The following PDSS2 variants were observed in gnomAD, a reference collection of about 807,000 sequenced individuals.
The protein encoded by PDSS2 is decaprenyl diphosphate synthase subunit 2.
In PDSS2, 31 loss-of-function variants were observed where a neutral mutation model predicts 44.5. That is an observed-to-expected ratio of 0.70 (90% CI 0.52 to 0.94). The LOEUF is 0.94. Ranked by LOEUF, PDSS2 falls within the 40% of genes least tolerant of loss-of-function variation. The pLI is 0.00. For missense variants in PDSS2, 452 were observed against 482.2 expected (o/e 0.94, Z 0.59); for synonymous variants, 157 against 180.3 (o/e 0.87, Z 1.03).
At chr6:107,364,589 G>A (rs2114322520) in intron 1 of PDSS2, among the ~76,000 whole-genome samples, 1 of 152,346 alleles carries the variant, frequency 6.6e-6, no homozygotes, top group East Asian at 1.9e-4. Flanking sequence ...TGGCCCGCAA[G>A]CGCTGCACGC....
At chr6:107,448,158 G>A (rs1265562588) in intron 1 of PDSS2, among the ~76,000 whole-genome samples, 1 of 152,156 alleles carries the variant, frequency 6.6e-6, no homozygotes, top group Non-Finnish European at 1.5e-5. Context: ...GGGAGGGGCT[G>A]CCAAGAAGGT....
chr6:107,412,279 G>A (rs1298024220), intron 1 of PDSS2, among the ~76,000 whole-genome samples: 5 of 116,676 alleles, frequency 4.3e-5, no homozygotes, highest in Non-Finnish European at 6.5e-5. Flanking sequence ...TCACTCTGTC[G>A]CCCAGGCTGC....
At chr6:107,171,742 T>C (rs1247487408) in intron 7 of PDSS2, among the ~76,000 whole-genome samples, 7 of 152,038 alleles carry the variant, frequency 4.6e-5, no homozygotes, top group African/African-American at 1.7e-4. Context: ...CCCAGGCTGG[T>C]CTTGAATTCC....
chr6:107,331,254 C>G (rs1241844486), intron 2 of PDSS2, among the ~76,000 whole-genome samples: 1 of 152,088 alleles, frequency 6.6e-6, no homozygotes, highest in African/African-American at 2.4e-5. Context: ...TCTCATAGCA[C>G]TATACCAAAT....
intron 1 of PDSS2, among the ~76,000 whole-genome samples, chr6:107,341,494 G>A (rs959321207): frequency 6.6e-6 from 1 of 152,154 alleles, no homozygotes; most frequent in Non-Finnish European, 1.5e-5. Flanking sequence ...TCATAGAAGC[G>A]ATGGCTGAAG....
intron 1 of PDSS2, among the ~76,000 whole-genome samples, chr6:107,340,955 T>C (rs1778060554): frequency 6.6e-6 from 1 of 151,894 alleles, no homozygotes; most frequent in South Asian, 2.1e-4. Context: ...AGGTTTAGAG[T>C]CTGGACTTAA....
intron 2 of PDSS2, among the ~76,000 whole-genome samples, chr6:107,312,583 T>C (rs377760024): frequency 6.6e-6 from 1 of 152,188 alleles, no homozygotes; most frequent in African/African-American, 2.4e-5. Context: ...GTTGTGATGA[T>C]TCAGTGAGCT....
At chr6:107,277,557 A>C (rs918759543) in intron 2 of PDSS2, among the ~76,000 whole-genome samples, 1 of 152,204 alleles carries the variant, frequency 6.6e-6, no homozygotes, top group African/African-American at 2.4e-5. Flanking sequence ...GTATGTAGGG[A>C]AAGTAGGGAT....
intron 7 of PDSS2, among the ~76,000 whole-genome samples, chr6:107,169,844 G>T (rs1771499299): frequency 6.6e-6 from 1 of 152,072 alleles, no homozygotes; most frequent in Non-Finnish European, 1.5e-5. Flanking sequence ...TGGAAGCCTT[G>T]TCTCAGAGGG....
chr6:107,316,182 A>G (rs1322232160), intron 2 of PDSS2, among the ~76,000 whole-genome samples: 1 of 152,156 alleles, frequency 6.6e-6, no homozygotes, highest in Non-Finnish European at 1.5e-5. Context: ...CAAATTTTGA[A>G]TTTCTGTTGG....
At chr6:107,181,830 C>T (rs1771995348) in intron 7 of PDSS2, among the ~76,000 whole-genome samples, 1 of 148,000 alleles carries the variant, frequency 6.8e-6, no homozygotes, top group African/African-American at 2.5e-5. Flanking sequence ...GTGGAGGCTG[C>T]AGTGAACCAA....
intron 7 of PDSS2, among the ~76,000 whole-genome samples, chr6:107,156,478 G>A (rs1554245681): frequency 6.6e-6 from 1 of 152,188 alleles, no homozygotes; most frequent in Non-Finnish European, 1.5e-5. Context: ...ACAGGCGTGA[G>A]CCACCATGCC....
At chr6:107,275,294 G>A (rs536367102) in intron 2 of PDSS2, among the ~76,000 whole-genome samples, 31 of 152,214 alleles carry the variant, frequency 2.0e-4, no homozygotes, top group African/African-American at 7.5e-4. Flanking sequence ...ACAACTTCAT[G>A]ATAGGTATTA....
intron 3 of PDSS2, among the ~76,000 whole-genome samples, chr6:107,257,489 A>G (rs1436719901): frequency 1.3e-5 from 2 of 152,114 alleles, no homozygotes; most frequent in Admixed American, 6.6e-5. Context: ...GTGAGTGACA[A>G]TAGCCCCACT....
In PDSS2 at chr6:107,154,406, T is replaced by C. The variant is rs1342333743; in HGVS notation, c.*213A>G. The C allele has an allele frequency of 1.9e-6, 1 of 530,470 alleles. No individual in the cohort carries two copies. Among genetic ancestry groups the C allele is most frequent in the African/African-American group, 1.9e-5 (1 of 52,362 alleles). The allele number at this position is 530,470 out of a possible 1,614,324, so 32.9% of individuals were successfully genotyped here. A position where few individuals can be genotyped will look rare whatever the true frequency, so the allele number is the denominator to read the frequency against. On this transcript the variant is annotated 3_prime_UTR_variant, in exon 8 of 8. Coordinates refer to ENST00000369037, the MANE Select transcript of PDSS2 (RefSeq NM_020381.4). ...GCGACTGCAGCCTCAAGTGTGCTTC[T>C]GGCGTGACAAGTGAAAACTGCTTGA...
intron 1 of PDSS2, among the ~76,000 whole-genome samples, chr6:107,380,423 T>C (rs76644237): frequency 0.018 from 2,787 of 152,230 alleles, 124 homozygotes; most frequent in Admixed American, 0.11. Flanking sequence ...TGGGGTAAAT[T>C]GGTAGTTTCC....
intron 2 of PDSS2, among the ~76,000 whole-genome samples, chr6:107,275,455 T>A (rs1171597112): frequency 6.6e-6 from 1 of 152,048 alleles, no homozygotes; most frequent in African/African-American, 2.4e-5. Context: ...TCCTGCATGA[T>A]CCCCTTCCAT....
At chr6:107,205,458 TCTA>T (rs1554253726) in intron 6 of PDSS2, among the ~76,000 whole-genome samples, 1 of 152,186 alleles carries the variant, frequency 6.6e-6, no homozygotes, top group Non-Finnish European at 1.5e-5. Flanking sequence ...TCTGAAGGAT[TCTA>T]CTTTCTTTTA....
intron 1 of PDSS2, among the ~76,000 whole-genome samples, chr6:107,363,247 G>C (rs751991221): frequency 6.6e-6 from 1 of 152,214 alleles, no homozygotes; most frequent in Non-Finnish European, 1.5e-5. Flanking sequence ...ACAAACTGTT[G>C]AAGGATAAAT....
Sources: gnomAD v4.1 joint callset for allele counts (sites outside exome capture counted in the v4.1 genomes callset) on GRCh38, gnomAD v4.1.1 for gene constraint, MANE v1.5 for transcripts, NCBI Gene and HGNC (gene_info 2026-07-23, HGNC 2026-07-21) for gene names.